Variants in TAPBPL observed in about 807,000 individuals in gnomAD.
TAPBPL encodes TAP binding protein like, also known as tapasin-related protein.
In TAPBPL, 32 loss-of-function variants were observed where a neutral mutation model predicts 44.8. That is an observed-to-expected ratio of 0.71 (90% confidence interval 0.54 to 0.96). The LOEUF is 0.96. TAPBPL is among the 40% of genes least tolerant of loss of function. The pLI is 0.00. For missense variants in TAPBPL, 520 were observed against 586.6 expected, an observed-to-expected ratio of 0.89 and a Z score of 1.17; for synonymous variants, 230 against 240.7, an observed-to-expected ratio of 0.96 and a Z score of 0.41.
downstream of TAPBPL, chr12:6,470,879 A>C: frequency 2.5e-6 from 1 of 392,734 alleles, no homozygotes; most frequent in Non-Finnish European, 4.7e-6. Context: ...TCCTTCAGTG[A>C]TCAATGCGAC....
downstream of TAPBPL, among the ~76,000 whole-genome samples, chr12:6,471,222 G>C (rs1400930170): frequency 6.6e-6 from 1 of 152,196 alleles, no homozygotes; most frequent in African/African-American, 2.4e-5. This position sits in a 1 kb window ranked among gnomAD's most constrained non-coding sequence, Gnocchi z 4.0. Context: ...CGGATGCGGG[G>C]TTCCGTCCCA....
Position 6,462,182 on chromosome 12 carries a change from G to A in TAPBPL, c.*33G>A, listed in dbSNP as rs543548641. 7 of 1,548,274 alleles carry A rather than the reference G, an allele frequency of 4.5e-6. No individual in the cohort carries two copies. The highest frequency in any genetic ancestry group is 4.1e-5 in the African/African-American group (3 of 73,378). On this transcript the variant is annotated 3_prime_UTR_variant, in exon 7 of 7. Coordinates refer to ENST00000266556, the MANE Select transcript of TAPBPL (RefSeq NM_018009.5). ...CGACATGAGACTACTAGAAAGAAAC[G>A]ACACCCTTCCCCAAGCCCCCACAGC... is the stretch of plus-strand genomic sequence containing the variant.
downstream of TAPBPL, chr12:6,466,463 G>T: frequency 8.0e-7 from 1 of 1,254,606 alleles, no homozygotes; most frequent in Non-Finnish European, 1.1e-6. Flanking sequence ...TGGGAGGAGC[G>T]CTTGAGCCCA....
chr12:6,462,389 G>C (rs1358419457), downstream of TAPBPL: 4 of 500,656 alleles, frequency 8.0e-6, no homozygotes, highest in East Asian at 1.3e-4. Flanking sequence ...GGTGATGACA[G>C]ACACACAGTG....
At chr12:6,466,684 A>G, downstream of TAPBPL, 2 of 220,808 alleles carry the variant, frequency 9.1e-6, no homozygotes, top group Non-Finnish European at 1.8e-5. Context: ...CTCTGCAACA[A>G]CATTTGGATG....
At chr12:6,465,944 C>T (rs985285542), downstream of TAPBPL, 16 of 1,614,142 alleles carry the variant, frequency 9.9e-6, no homozygotes, top group Admixed American at 1.7e-5. Context: ...CCAGCTCTGA[C>T]AGCTTCTGGT....
chr12:6,459,308 A>G (rs1373927424), intron 5 of TAPBPL, among the ~76,000 whole-genome samples: 1 of 152,242 alleles, frequency 6.6e-6, no homozygotes, highest in Non-Finnish European at 1.5e-5. Context: ...GAGGGAAGGG[A>G]ACACTCAAGA....
At chr12:6,471,162 G>A (rs1010994145), downstream of TAPBPL, among the ~76,000 whole-genome samples, 3 of 152,208 alleles carry the variant, frequency 2.0e-5, no homozygotes, top group African/African-American at 4.8e-5. The surrounding 1 kb of genome is among the most constrained non-coding windows in gnomAD (Gnocchi z 4.0). Context: ...AACGCTCTGA[G>A]AGGGTGCAGG....
At chr12:6,464,452 G>A (rs1375459075), downstream of TAPBPL, 1 of 1,564,314 alleles carries the variant, frequency 6.4e-7, no homozygotes, top group Non-Finnish European at 8.7e-7. Flanking sequence ...TGGACAACAG[G>A]GAAGGGGTGG....
chr12:6,471,881 A>G, the TAPBPL span, among the ~76,000 whole-genome samples: 1 of 152,186 alleles, frequency 6.6e-6, no homozygotes, highest in Non-Finnish European at 1.5e-5. This position sits in a 1 kb window ranked among gnomAD's most constrained non-coding sequence, Gnocchi z 4.0. Flanking sequence ...TTTCCTTACC[A>G]CTTAGCATTT....
Position 6,453,714 on chromosome 12 carries a change from C to G in TAPBPL, c.563C>G (p.Ala188Gly). Residue 188 changes from alanine (A) to glycine (G), a missense_variant and splice_region_variant, in exon 3 of 7, where the codon GCA (alanine) becomes GGA (glycine). Transcript: ENST00000266556. This position sits in a 1 kb window ranked among gnomAD's most constrained non-coding sequence, Gnocchi z 4.8. ...AGCCCCCAGGGGACTGTGCGAACTG[C>G]AGGTAAGAAAATGAAAAGCAAGGCC... ...PLSPQGTVRT[A>G]VEFQVMTQTQ... 6.3e-7 allele frequency: 1 copy of G among 1,587,348 alleles called. No individual in the cohort carries two copies. Among genetic ancestry groups the G allele is most frequent in the Non-Finnish European group, 8.6e-7 (1 of 1,166,058 alleles).
At chr12:6,464,581 C>T (rs2137003358), downstream of TAPBPL, 1 of 1,463,424 alleles carries the variant, frequency 6.8e-7, no homozygotes, top group South Asian at 1.5e-5. Flanking sequence ...ACATTCAGGT[C>T]TCTCCATTGT....
In TAPBPL at chr12:6,454,718, G is replaced by C. The variant is rs1490531730; in HGVS notation, c.565+1002G>C. ...GCTAGGCTGCTCTGGTGCTTCAGGGGTAAAGCTCAGGGATGCATCATTTGT... is the reference window on the plus strand; with the variant it reads ...GCTAGGCTGCTCTGGTGCTTCAGGGCTAAAGCTCAGGGATGCATCATTTGT... On this transcript the variant is annotated intron_variant, in intron 3 of 6. Transcript: ENST00000266556. Among the ~76,000 whole-genome samples the C allele has an allele frequency of 3.9e-5, 6 of 152,238 alleles. No homozygotes were observed. In the South Asian group the frequency reaches 1.2e-3, roughly 32 times the overall value.
At chr12:6,471,213 G>A (rs1945767665), downstream of TAPBPL, among the ~76,000 whole-genome samples, 1 of 152,166 alleles carries the variant, frequency 6.6e-6, no homozygotes, top group Non-Finnish European at 1.5e-5. This position sits in a 1 kb window ranked among gnomAD's most constrained non-coding sequence, Gnocchi z 4.0. Context: ...GCCAGATACC[G>A]GATGCGGGGT....
At chr12:6,469,368 T>C (rs1945710800), downstream of TAPBPL, among the ~76,000 whole-genome samples, 1 of 152,208 alleles carries the variant, frequency 6.6e-6, no homozygotes, top group Non-Finnish European at 1.5e-5. Context: ...GATTTTTCTG[T>C]TGCCTTCTGT....
Position 6,458,892 on chromosome 12 carries a change from C to A in TAPBPL, c.1152C>A (p.Val384=). ...GSAGATYTCQ[V]THISLEEPLG... ...CAGGTGCCACTTACACCTGCCAGGT[C>A]ACACACATCTCTCTGGAGGAGCCCC... Residue 384 remains valine, a synonymous_variant, in exon 5 of 7, where the codon GTC becomes GTA. Transcript: ENST00000266556. The A allele has an allele frequency of 6.2e-7, 1 of 1,614,192 alleles. No individual in the cohort carries two copies. Among genetic ancestry groups the A allele is most frequent in the Non-Finnish European group, 8.5e-7 (1 of 1,180,044 alleles).
chr12:6,456,217 A>G (rs1344774323), intron 3 of TAPBPL, among the ~76,000 whole-genome samples: 3 of 152,114 alleles, frequency 2.0e-5, no homozygotes, highest in African/African-American at 4.8e-5. Context: ...AATCTAGAAC[A>G]TGTTTCATAG....
the TAPBPL span, among the ~76,000 whole-genome samples, chr12:6,471,538 G>C: frequency 2.6e-3 from 396 of 152,254 alleles, 4 homozygotes; most frequent in African/African-American, 9.3e-3. The surrounding 1 kb of genome is among the most constrained non-coding windows in gnomAD (Gnocchi z 4.0). Context: ...TAAGAAAAAA[G>C]GTTACAAGGC....
chr12:6,460,111 G>A (rs997656625), intron 5 of TAPBPL, among the ~76,000 whole-genome samples: 2 of 152,092 alleles, frequency 1.3e-5, no homozygotes, highest in Admixed American at 6.6e-5. Context: ...GAAAGAACCC[G>A]CAACTTGAAG....
Sources: gnomAD v4.1 joint callset for allele counts (sites outside exome capture counted in the v4.1 genomes callset) on GRCh38, gnomAD v4.1.1 for gene constraint, Gnocchi (gnomAD v3.1) non-coding constraint, MANE v1.5 for transcripts, NCBI Gene and HGNC (gene_info 2026-07-23, HGNC 2026-07-21) for gene names.